The following STARD8 variants were observed in gnomAD, a reference collection of about 807,000 sequenced individuals.
STARD8 encodes the protein stAR-related lipid transfer protein 8.
STARD8 carries 25 observed loss-of-function variants against 69.4 expected under a neutral mutation model. The observed-to-expected ratio is 0.36, with a 90% CI of 0.26 to 0.50. The LOEUF is 0.50. Among genes scored for constraint, STARD8 ranks in the 20% least tolerant of loss-of-function variants. STARD8 has a pLI of 0.96. For missense variants in STARD8, 921 were observed against 932.5 expected, an observed-to-expected ratio of 0.99 and a Z score of 0.16; for synonymous variants, 389 against 374.6, an observed-to-expected ratio of 1.04 and a Z score of -0.45.
Position 68,664,643 on chromosome X carries a change from C to A in STARD8, c.46-856C>A, listed in dbSNP as rs189205557. Among the ~76,000 whole-genome samples, 348 of 112,055 alleles carry A rather than the reference C, an allele frequency of 3.1e-3. 3 individuals are homozygous for A. The highest frequency in any genetic ancestry group is 0.011 in the African/African-American group (336 of 30,847). On this transcript the variant is annotated intron_variant, in intron 1 of 14. Coordinates refer to ENST00000374599, the MANE Select transcript of STARD8 (RefSeq NM_001142503.3). ...CCCTCAGGCCACCTCTCTATCCCCC[C>A]ACTCAATCACTCTCTACCTCATCCT...
Position 68,718,016 on chromosome X carries a change from ATGGT to A in STARD8, c.1106_1109del (p.Val369GlyfsTer19). On this transcript the variant is annotated frameshift_variant, in exon 6 of 15. Coordinates refer to ENST00000374599, the MANE Select transcript of STARD8 (RefSeq NM_001142503.3). LOFTEE classifies it high-confidence loss of function. ...TGAGCTGTACCCAGCTGAGCCTGTA[ATGGT>A]TGGGGCTGAGGCTGAAGATGAAGAT... The A allele has an allele frequency of 1.7e-6, 2 of 1,210,493 alleles. No individual in the cohort carries two copies. Among genetic ancestry groups the A allele is most frequent in the Non-Finnish European group, 1.1e-6 (1 of 894,968 alleles).
chrX:68,689,362 T>C (rs963010124), intron 2 of STARD8, among the ~76,000 whole-genome samples: 1 of 110,795 alleles, frequency 9.0e-6, no homozygotes, highest in African/African-American at 3.3e-5. Flanking sequence ...GCCAGTAAGG[T>C]CAGTCCGGAG....
At chrX:68,707,487 G>A (rs188075102) in intron 2 of STARD8, among the ~76,000 whole-genome samples, 1 of 111,589 alleles carries the variant, frequency 9.0e-6, no homozygotes, top group African/African-American at 3.3e-5. Flanking sequence ...CTTTATCTCA[G>A]GCTGTACTTT....
At chrX:68,698,099 C>G (rs1348442604) in intron 2 of STARD8, among the ~76,000 whole-genome samples, 1 of 112,233 alleles carries the variant, frequency 8.9e-6, no homozygotes, top group Non-Finnish European at 1.9e-5. Context: ...GGAACATTGA[C>G]AAACATTCAC....
Position 68,647,742 on chromosome X carries a change from C to A in STARD8, c.-141C>A. ...GGCAACCGCTGCTCTCCGCCTCTCC[C>A]CTCGCGGGGCCGGCTCATGGAGCGC... On this transcript the variant is annotated 5_prime_UTR_variant, in exon 1 of 15. Coordinates refer to ENST00000374599, the MANE Select transcript of STARD8 (RefSeq NM_001142503.3). 1 of 780,251 alleles carries A rather than the reference C, an allele frequency of 1.3e-6. No homozygotes were observed. Among genetic ancestry groups the A allele is most frequent in the African/African-American group, 2.2e-5 (1 of 46,323 alleles). The allele number at this position is 780,251 out of a possible 1,213,427, so 64.3% of individuals were successfully genotyped here.
At chrX:68,689,323 A>G (rs748356613) in intron 2 of STARD8, among the ~76,000 whole-genome samples, 1 of 108,730 alleles carries the variant, frequency 9.2e-6, no homozygotes, top group South Asian at 4.2e-4. Flanking sequence ...TGCCTGCAGC[A>G]GAAAACCTCT....
At chrX:68,650,568 G>A (rs996137123) in intron 1 of STARD8, among the ~76,000 whole-genome samples, 7 of 107,166 alleles carry the variant, frequency 6.5e-5, no homozygotes, top group East Asian at 3.0e-4. Context: ...TTGGGATGCC[G>A]AGGCAGGTGG....
intron 2 of STARD8, among the ~76,000 whole-genome samples, chrX:68,685,009 G>C (rs1234205581): frequency 8.9e-6 from 1 of 112,416 alleles, no homozygotes; most frequent in Non-Finnish European, 1.9e-5. Flanking sequence ...TTTCCTTCTA[G>C]CTCTGACACT....
At chrX:68,715,131 C>T (rs2045612708) in intron 3 of STARD8, among the ~76,000 whole-genome samples, 163 bp from the exon 4 acceptor site, 1 of 111,987 alleles carries the variant, frequency 8.9e-6, no homozygotes, top group Admixed American at 9.4e-5. Context: ...TTTCCCTGAA[C>T]TCCCTGGGCA....
At chrX:68,655,562 A>G (rs1021274571) in intron 1 of STARD8, among the ~76,000 whole-genome samples, 3 of 112,181 alleles carry the variant, frequency 2.7e-5, no homozygotes, top group African/African-American at 9.7e-5. Context: ...TAGATGCTGG[A>G]CATATGCTGT....
intron 2 of STARD8, among the ~76,000 whole-genome samples, chrX:68,711,412 A>G (rs1362364429): frequency 1.8e-5 from 2 of 111,637 alleles, no homozygotes; most frequent in Non-Finnish European, 3.8e-5. Flanking sequence ...AGCTACATGT[A>G]GAGACAGATG....
At position 68,674,778 on chromosome X, in the gene STARD8, TTTG is replaced by T. The variant is rs1229017399; in HGVS notation, c.79+9264_79+9266del. Among the ~76,000 whole-genome samples, 5 of 109,659 alleles carry T rather than the reference TTTG, an allele frequency of 4.6e-5. No individual in the cohort carries two copies. The East Asian group carries it at 8.6e-4, about 19-fold the overall frequency. Reference sequence around the variant, plus strand: ...GCCTCAGTTTTCTCAGGTTTTTTTTTTTGTTGTTGTTGTTGTTGTTTTGAGATG... The same window carrying T: ...GCCTCAGTTTTCTCAGGTTTTTTTTTTTGTTGTTGTTGTTGTTTTGAGATG... On this transcript the variant is annotated intron_variant, in intron 2 of 14. Coordinates refer to ENST00000374599, the MANE Select transcript of STARD8 (RefSeq NM_001142503.3).
chrX:68,713,410 C>T (rs1450890692), intron 3 of STARD8, among the ~76,000 whole-genome samples: 2 of 111,847 alleles, frequency 1.8e-5, no homozygotes, highest in African/African-American at 6.5e-5. Flanking sequence ...GAGTTCTTCG[C>T]ACTTGCTGTT....
intron 2 of STARD8, among the ~76,000 whole-genome samples, chrX:68,672,620 T>C (rs1270655370): frequency 1.8e-5 from 2 of 111,196 alleles, no homozygotes; most frequent in African/African-American, 6.6e-5. Context: ...AACAAACTGG[T>C]GTCAGAAGCA....
intron 2 of STARD8, among the ~76,000 whole-genome samples, chrX:68,689,290 A>G (rs2079857594): frequency 1.8e-5 from 1 of 56,554 alleles, no homozygotes; most frequent in African/African-American, 4.7e-5. Flanking sequence ...GACCTCCCCG[A>G]GGCGTTAGTG....
intron 1 of STARD8, among the ~76,000 whole-genome samples, chrX:68,661,216 A>ATCCCAGCCAC (rs2079642261): frequency 9.0e-6 from 1 of 111,639 alleles, no homozygotes; most frequent in African/African-American, 3.3e-5. Flanking sequence ...AGTGAGCTCC[A>ATCCCAGCCAC]TCCCAGCCAC....
intron 1 of STARD8, among the ~76,000 whole-genome samples, chrX:68,660,041 A>G (rs1476360769): frequency 9.0e-6 from 1 of 110,734 alleles, no homozygotes; most frequent in East Asian, 2.9e-4. Context: ...GTGGATAGAG[A>G]TGGAAAGTCA....
At chrX:68,685,402 T>C (rs1204087291) in intron 2 of STARD8, among the ~76,000 whole-genome samples, 4 of 111,605 alleles carry the variant, frequency 3.6e-5, no homozygotes, top group African/African-American at 1.3e-4. Flanking sequence ...TTGGTAACTT[T>C]TGGCCTTATC....
intron 2 of STARD8, 126 bp downstream of exon 2, chrX:68,665,658 C>T: frequency 1.4e-6 from 1 of 724,603 alleles, no homozygotes; most frequent in Non-Finnish European, 2.1e-6. Context: ...AAGCCGGAGA[C>T]ATCCTCTCTG....
Sources: gnomAD v4.1 joint callset for allele counts (sites outside exome capture counted in the v4.1 genomes callset) on GRCh38, gnomAD v4.1.1 for gene constraint, MANE v1.5 for transcripts, NCBI Gene and HGNC (gene_info 2026-07-23, HGNC 2026-07-21) for gene names.